DHX15: variants seen among roughly 807,000 people sequenced by gnomAD.
DHX15 encodes the protein ATP-dependent RNA helicase DHX15.
Under a neutral mutation model 94.4 loss-of-function variants are expected in DHX15, and 11 were observed. That is an observed-to-expected ratio of 0.12 (90% CI 0.07 to 0.19). DHX15 has a LOEUF of 0.19. Ranked by LOEUF, DHX15 falls within the 10% of genes least tolerant of loss-of-function variation. DHX15 has a pLI of 1.00. For synonymous variants in DHX15, 338 were observed against 329.9 expected (o/e 1.02, Z -0.27); for missense variants, 304 against 988.5 (o/e 0.31, Z 9.29).
intron 1 of DHX15, among the ~76,000 whole-genome samples, chr4:24,583,857 GC>G (rs1049746418): frequency 1.6e-4 from 25 of 152,066 alleles, no homozygotes; most frequent in Non-Finnish European, 2.4e-4. Flanking sequence ...CGTCTGGAGT[GC>G]CTGGCCGCGC....
chr4:24,576,514 G>C lies in DHX15; in HGVS notation c.236C>G (p.Ala79Gly). 6.2e-7 allele frequency: 1 copy of C among 1,614,182 alleles called. No individual in the cohort carries two copies. The highest frequency in any genetic ancestry group is 1.3e-5 in the African/African-American group (1 of 75,042). Residue 79 changes from alanine to glycine, a missense_variant, in exon 2 of 14, where the codon GCT (alanine) becomes GGT (glycine). Physicochemically the swap from Ala to Gly is moderately conservative, Grantham distance 60. Coordinates refer to ENST00000336812, the MANE Select transcript of DHX15 (RefSeq NM_001358.3). ...LISAGLPPLKASHSAHSTHSA... is the reference protein window; with the variant it reads ...LISAGLPPLKGSHSAHSTHSA... ...GTGGGTTGAGTGAGCTGAATGGGAA[G>C]CTTTCAAAGGTGGTAATCCAGCACT...
intron 7 of DHX15, among the ~76,000 whole-genome samples, 173 bp downstream of exon 7, chr4:24,542,767 T>C (rs907080104): frequency 1.3e-5 from 2 of 152,046 alleles, no homozygotes; most frequent in Non-Finnish European, 2.9e-5. Flanking sequence ...TATTAAATAC[T>C]GTCTTAATTT....
Position 24,540,960 on chromosome 4 carries a change from C to A in DHX15, c.1486-12G>T, listed in dbSNP as rs765559612. On this transcript the variant is annotated splice_polypyrimidine_tract_variant and intron_variant, in intron 8 of 13. Transcript: ENST00000336812. ...GGATAGGTGTTATCCTAGCAAAGAA[C>A]AAAAACATTTATTGGTTATGTTAAA... 4 of 1,518,374 alleles carry A rather than the reference C, an allele frequency of 2.6e-6. No homozygotes were observed. Among genetic ancestry groups the A allele is most frequent in the Non-Finnish European group, 3.6e-6 (4 of 1,107,262 alleles). 94.1% of individuals were successfully genotyped at this position (1,518,374 alleles called of 1,614,324 possible). A position where few individuals can be genotyped will look rare whatever the true frequency, so the allele number is the denominator to read the frequency against.
At chr4:24,529,002 T>C (rs1270131210) in intron 13 of DHX15, among the ~76,000 whole-genome samples, 1 of 95,938 alleles carries the variant, frequency 1.0e-5, no homozygotes, top group Non-Finnish European at 2.4e-5. Context: ...CTCTAAAAAT[T>C]AAAAAAATTA....
At chr4:24,542,842 G>A in intron 7 of DHX15, 98 bp downstream of exon 7, 1 of 892,284 alleles carries the variant, frequency 1.1e-6, no homozygotes, top group Non-Finnish European at 1.7e-6. Context: ...AAAAAGATAG[G>A]AAAATAATTC....
chr4:24,576,640 G>A lies in DHX15; in HGVS notation c.110C>T (p.Ser37Phe), dbSNP rs777394319. 2 of 1,613,612 alleles carry A rather than the reference G, an allele frequency of 1.2e-6. No individual in the cohort carries two copies. Among genetic ancestry groups the A allele is most frequent in the South Asian group, 1.1e-5 (1 of 91,064 alleles). The change falls in exon 2 of 14, where the codon TCT (serine) becomes TTT (phenylalanine). Residue 37 changes from serine (S) to phenylalanine (F), a missense_variant. By Grantham distance (155) the Ser-to-Phe change is radical. Coordinates refer to ENST00000336812, the MANE Select transcript of DHX15 (RefSeq NM_001358.3). ...RDRDRDREDR[S>F]KDRDRERDRG... ...ATCACGTTCTCGGTCTCGATCTTTA[G>A]ACCGATCTTCACGATCCCGGTCTCG...
chr4:24,542,897 G>A, intron 7 of DHX15, 43 bp downstream of exon 7: 1 of 1,450,824 alleles, frequency 6.9e-7, no homozygotes, highest in South Asian at 1.2e-5. Flanking sequence ...TGTAAGTACT[G>A]TTAAACCAAC....
At chr4:24,578,538 G>A (rs1190706032) in intron 1 of DHX15, among the ~76,000 whole-genome samples, 1 of 152,172 alleles carries the variant, frequency 6.6e-6, no homozygotes, top group Non-Finnish European at 1.5e-5. Context: ...GGGGGAAGGA[G>A]GAGATGACAA....
At chr4:24,544,729 T>C (rs974538564) in intron 6 of DHX15, among the ~76,000 whole-genome samples, 7 of 152,338 alleles carry the variant, frequency 4.6e-5, no homozygotes, top group Non-Finnish European at 1.0e-4. Flanking sequence ...CCCAAGCTTG[T>C]ATTCCTTTTA....
At chr4:24,542,869 G>T in intron 7 of DHX15, 71 bp downstream of exon 7, 1 of 1,071,636 alleles carries the variant, frequency 9.3e-7, no homozygotes, top group Middle Eastern at 2.1e-4. Flanking sequence ...GTAAATTTTA[G>T]CCATTAAATG....
chr4:24,531,512 A>G (rs1164457863), intron 12 of DHX15, among the ~76,000 whole-genome samples: 1 of 152,098 alleles, frequency 6.6e-6, no homozygotes, highest in Non-Finnish European at 1.5e-5. Flanking sequence ...CAGAAGTTCA[A>G]GATCAGCCTG....
chr4:24,551,757 T>C (rs1721609863), intron 5 of DHX15, among the ~76,000 whole-genome samples: 1 of 152,218 alleles, frequency 6.6e-6, no homozygotes, highest in Admixed American at 6.5e-5. Flanking sequence ...ATTCCAACAT[T>C]TAAGAGTATC....
chr4:24,548,356 G>T (rs1721504066), intron 6 of DHX15, among the ~76,000 whole-genome samples: 1 of 151,724 alleles, frequency 6.6e-6, no homozygotes, highest in Non-Finnish European at 1.5e-5. Flanking sequence ...TGTTGGTCAG[G>T]CTGGTCTCAA....
Position 24,584,483 on chromosome 4 carries a change from C to T in DHX15, c.-90G>A, listed in dbSNP as rs1722562999. Reference sequence around the variant, plus strand: ...GGACAGCCACTTAACTCTGGAGGACCCCCACCCCTCCCGCTACTACAGCCC... The same window carrying T: ...GGACAGCCACTTAACTCTGGAGGACTCCCACCCCTCCCGCTACTACAGCCC... On this transcript the variant is annotated 5_prime_UTR_variant, in exon 1 of 14. Coordinates refer to ENST00000336812, the MANE Select transcript of DHX15 (RefSeq NM_001358.3). 1.6e-6 allele frequency: 2 copies of T among 1,231,578 alleles called. No individual in the cohort carries two copies. The highest frequency in any genetic ancestry group is 1.6e-5 in the African/African-American group (1 of 64,332). 76.3% of individuals were successfully genotyped at this position (1,231,578 alleles called of 1,614,324 possible).
At chr4:24,584,213 A>C (rs1216850863) in intron 1 of DHX15, 110 bp downstream of exon 1, 1 of 1,179,894 alleles carries the variant, frequency 8.5e-7, no homozygotes, top group Non-Finnish European at 1.2e-6. Flanking sequence ...CCCAGAGAGA[A>C]ACAAAGGCTC....
At chr4:24,570,387 CCA>C (rs1308738863) in intron 3 of DHX15, among the ~76,000 whole-genome samples, 1 of 152,092 alleles carries the variant, frequency 6.6e-6, no homozygotes, top group African/African-American at 2.4e-5. Flanking sequence ...TCTACTAAAA[CCA>C]CACATTTTAC....
chr4:24,579,048 C>G (rs1722346766), intron 1 of DHX15, among the ~76,000 whole-genome samples: 1 of 152,032 alleles, frequency 6.6e-6, no homozygotes, highest in African/African-American at 2.4e-5. Context: ...GCTTCATTAC[C>G]AAACCAAACA....
At chr4:24,529,803 A>G in intron 12 of DHX15, 33 bp from the exon 13 acceptor site, 1 of 1,609,372 alleles carries the variant, frequency 6.2e-7, no homozygotes, top group East Asian at 2.2e-5. Flanking sequence ...TATTAATACA[A>G]TGCTTCTGAC....
At chr4:24,579,516 C>T (rs1722356464) in intron 1 of DHX15, among the ~76,000 whole-genome samples, 1 of 152,106 alleles carries the variant, frequency 6.6e-6, no homozygotes, top group Non-Finnish European at 1.5e-5. Flanking sequence ...CAGACACAGC[C>T]ACACCACGAG....
Sources: gnomAD v4.1 joint callset for allele counts (sites outside exome capture counted in the v4.1 genomes callset) on GRCh38, gnomAD v4.1.1 for gene constraint, MANE v1.5 for transcripts, NCBI Gene and HGNC (gene_info 2026-07-23, HGNC 2026-07-21) for gene names.